FAM135B: variants seen among roughly 807,000 people sequenced by gnomAD.
FAM135B encodes protein FAM135B.
FAM135B carries 43 observed loss-of-function variants against 127.7 expected under a neutral mutation model. The ratio of observed to expected loss-of-function variants is 0.34; its 90% CI spans 0.26 to 0.43. FAM135B has a LOEUF of 0.43. Among genes scored for constraint, FAM135B ranks in the 20% least tolerant of loss-of-function variants. FAM135B has a pLI of 1.00. For missense variants in FAM135B, 1,558 were observed against 1,725.6 expected (o/e 0.90, Z 1.72); for synonymous variants, 670 against 665.1 (o/e 1.01, Z -0.11).
At chr8:138,391,501 C>T (rs1832575086) in intron 1 of FAM135B, among the ~76,000 whole-genome samples, 1 of 152,078 alleles carries the variant, frequency 6.6e-6, no homozygotes, top group South Asian at 2.1e-4. Context: ...CCTAGCCCTG[C>T]AGGGTTTTTC....
At position 138,277,713 on chromosome 8, in the gene FAM135B, C is replaced by T. The variant is rs564106176; in HGVS notation, c.158-11871G>A. ...AGATCCCACACATTTCAAACTGTCA[C>T]GCTTTCAGCAAGCTTTCTCTGCCTG... On this transcript the variant is annotated intron_variant, in intron 3 of 19. Coordinates refer to ENST00000395297, the MANE Select transcript of FAM135B (RefSeq NM_015912.4). 7.9e-5 allele frequency among the ~76,000 whole-genome samples: 12 copies of T among 152,286 alleles called. No individual in the cohort carries two copies. In the South Asian group the frequency reaches 1.7e-3, roughly 21 times the overall value.
At chr8:138,279,209 C>T (rs909235876) in intron 3 of FAM135B, among the ~76,000 whole-genome samples, 1 of 152,094 alleles carries the variant, frequency 6.6e-6, no homozygotes, top group African/African-American at 2.4e-5. Context: ...GTAATTGCTC[C>T]CTCGTCTGTT....
At chr8:138,338,731 A>G (rs957794866) in intron 2 of FAM135B, among the ~76,000 whole-genome samples, 33 of 152,190 alleles carry the variant, frequency 2.2e-4, no homozygotes, top group Non-Finnish European at 4.3e-4. Context: ...AACTAGAAAT[A>G]CCATTTGACT....
chr8:138,404,707 G>A (rs565645986), intron 1 of FAM135B, among the ~76,000 whole-genome samples: 11 of 152,146 alleles, frequency 7.2e-5, no homozygotes, highest in Non-Finnish European at 1.5e-4. Context: ...CACTTTCTTT[G>A]CTCGCTCATA....
chr8:138,368,956 A>C (rs1830943715), intron 1 of FAM135B, among the ~76,000 whole-genome samples: 1 of 152,152 alleles, frequency 6.6e-6, no homozygotes, highest in South Asian at 2.1e-4. Flanking sequence ...TTTTTCCAAC[A>C]AGAATTTTGT....
chr8:138,405,792 G>A (rs1012308610), intron 1 of FAM135B, among the ~76,000 whole-genome samples: 3 of 151,982 alleles, frequency 2.0e-5, no homozygotes, highest in Admixed American at 6.6e-5. Flanking sequence ...TCGCCACACT[G>A]ACTTCCACAA....
At chr8:138,263,107 T>G (rs1822664805) in intron 4 of FAM135B, among the ~76,000 whole-genome samples, 2 of 152,074 alleles carry the variant, frequency 1.3e-5, no homozygotes, top group South Asian at 4.2e-4. Flanking sequence ...TGGCAAAGGT[T>G]TAACAACTGG....
At chr8:138,247,815 A>C (rs1308686176) in intron 6 of FAM135B, among the ~76,000 whole-genome samples, 1 of 152,204 alleles carries the variant, frequency 6.6e-6, no homozygotes, top group Non-Finnish European at 1.5e-5. Flanking sequence ...ACAATAAACA[A>C]ATTCTCAATT....
rs2130480048 is a variant in FAM135B at position 138,132,576 on chromosome 8, C to G, written c.*17G>C. 1 of 1,606,946 alleles carries G rather than the reference C, an allele frequency of 6.2e-7. No homozygotes were observed. Among genetic ancestry groups the G allele is most frequent in the Non-Finnish European group, 8.5e-7 (1 of 1,173,590 alleles). Reference sequence around the variant, plus strand: ...ACCGATCGTAAGCATTACCAAAGACCTGCTCCCTCAAAGCCACTACTTGAA... The same window carrying G: ...ACCGATCGTAAGCATTACCAAAGACGTGCTCCCTCAAAGCCACTACTTGAA... On this transcript the variant is annotated 3_prime_UTR_variant, in exon 20 of 20. Coordinates refer to ENST00000395297, the MANE Select transcript of FAM135B (RefSeq NM_015912.4). This position sits in a 1 kb window ranked among gnomAD's most constrained non-coding sequence, Gnocchi z 4.5.
At chr8:138,486,027 C>G (rs186712635) in intron 1 of FAM135B, among the ~76,000 whole-genome samples, 9 of 151,924 alleles carry the variant, frequency 5.9e-5, no homozygotes, top group African/African-American at 2.2e-4. Context: ...GGCTGGTAAA[C>G]AAAACCAAGC....
At chr8:138,203,715 G>A (rs1416275605) in intron 7 of FAM135B, among the ~76,000 whole-genome samples, 2 of 152,092 alleles carry the variant, frequency 1.3e-5, no homozygotes, top group African/African-American at 2.4e-5. Context: ...CCGAAGGTAT[G>A]GGGGATGGTT....
chr8:138,159,157 A>G lies in FAM135B; in HGVS notation c.1259-5941T>C, dbSNP rs1485847967. Among the ~76,000 whole-genome samples, 7 of 148,272 alleles carry G rather than the reference A, an allele frequency of 4.7e-5. No homozygotes were observed. The Admixed American group carries it at 4.7e-4, about 10-fold the overall frequency. On this transcript the variant is annotated intron_variant, in intron 12 of 19. Transcript: ENST00000395297. ...CGCGGTGGCGGGTGCCTGTAGTCCCAGCTACTCGGGAGGCTGAGGCAGGAG... is the reference window on the plus strand; with the variant it reads ...CGCGGTGGCGGGTGCCTGTAGTCCCGGCTACTCGGGAGGCTGAGGCAGGAG...
intron 19 of FAM135B, among the ~76,000 whole-genome samples, chr8:138,133,879 T>TC (rs1192877683): frequency 7.9e-5 from 12 of 152,028 alleles, no homozygotes; most frequent in South Asian, 2.1e-4. Context: ...GGTGTTTCTT[T>TC]TCCCCCCCTT....
rs538347463 is a variant in FAM135B at position 138,217,432 on chromosome 8, C to CTTTTTT, written c.670-19769_670-19764dup. On this transcript the variant is annotated intron_variant, in intron 7 of 19. Coordinates refer to ENST00000395297, the MANE Select transcript of FAM135B (RefSeq NM_015912.4). ...TATTCATTTGTTCTCTGATATATTT[C>CTTTTTT]TTTTTTTTTTTTTTTTGAGATGGAG... Among the ~76,000 whole-genome samples, 641 of 129,234 alleles carry CTTTTTT rather than the reference C, an allele frequency of 5.0e-3. 23 individuals carry two copies. The highest frequency in any genetic ancestry group is 0.017 in the African/African-American group (577 of 33,696). The allele number at this position is 129,234 out of a possible 152,430, so 84.8% of individuals were successfully genotyped here.
chr8:138,222,390 C>T (rs1040053349), intron 7 of FAM135B, among the ~76,000 whole-genome samples: 3 of 152,064 alleles, frequency 2.0e-5, no homozygotes, highest in Non-Finnish European at 4.4e-5. Context: ...ATGCCCCCTC[C>T]CCAAAGAAAA....
chr8:138,191,207 C>A (rs1183368853), intron 9 of FAM135B, among the ~76,000 whole-genome samples: 2 of 152,210 alleles, frequency 1.3e-5, no homozygotes, highest in Non-Finnish European at 2.9e-5. Flanking sequence ...GCACCTGTGA[C>A]CCCACTTCAT....
chr8:138,346,340 G>GT (rs1384224501), intron 2 of FAM135B, among the ~76,000 whole-genome samples: 1 of 152,106 alleles, frequency 6.6e-6, no homozygotes, highest in Non-Finnish European at 1.5e-5. Flanking sequence ...TATTATAAAG[G>GT]TACATGCACA....
chr8:138,153,942 T>C (rs1420359916), intron 12 of FAM135B, among the ~76,000 whole-genome samples: 1 of 152,256 alleles, frequency 6.6e-6, no homozygotes, highest in African/African-American at 2.4e-5. Flanking sequence ...AGAGTAGTGG[T>C]TCTCCCAGCA....
At chr8:138,450,139 A>G (rs1836411078) in intron 1 of FAM135B, among the ~76,000 whole-genome samples, 1 of 152,218 alleles carries the variant, frequency 6.6e-6, no homozygotes, top group African/African-American at 2.4e-5. Context: ...ACTTAGCAAT[A>G]TGCATTTAAG....
Sources: gnomAD v4.1 joint callset for allele counts (sites outside exome capture counted in the v4.1 genomes callset) on GRCh38, gnomAD v4.1.1 for gene constraint, Gnocchi (gnomAD v3.1) non-coding constraint, MANE v1.5 for transcripts, NCBI Gene and HGNC (gene_info 2026-07-23, HGNC 2026-07-21) for gene names.